HDAC8: variants seen among roughly 807,000 people sequenced by gnomAD.
HDAC8 encodes the protein histone deacetylase-like 1.
Under a neutral mutation model 32.2 loss-of-function variants are expected in HDAC8, and 1 was observed. That is an observed-to-expected ratio of 0.03 (90% confidence interval 0.01 to 0.15). The LOEUF is 0.15. Among genes scored for constraint, HDAC8 ranks in the 10% least tolerant of loss-of-function variants. The pLI is 1.00. For synonymous variants in HDAC8, 108 were observed against 113.9 expected (o/e 0.95, Z 0.33); for missense variants, 117 against 300.0 (o/e 0.39, Z 4.51).
At chrX:72,518,778 T>C (rs2049888295) in intron 4 of HDAC8, among the ~76,000 whole-genome samples, 1 of 111,893 alleles carries the variant, frequency 8.9e-6, no homozygotes, top group Admixed American at 9.5e-5. Flanking sequence ...TTGACAACCA[T>C]TAATTTCTTT....
chrX:72,554,558 G>A (rs927624210), intron 4 of HDAC8, among the ~76,000 whole-genome samples: 150 of 111,182 alleles, frequency 1.3e-3, no homozygotes, highest in African/African-American at 4.6e-3. Context: ...GAGTGAGACC[G>A]GCCTCTAGGA....
intron 9 of HDAC8, among the ~76,000 whole-genome samples, chrX:72,399,964 T>C (rs2045861518): frequency 8.9e-6 from 1 of 112,041 alleles, no homozygotes; most frequent in South Asian, 3.8e-4. Context: ...ACACTGTTGC[T>C]AAATCCAATG....
chrX:72,479,749 A>G (rs782106970), intron 7 of HDAC8, among the ~76,000 whole-genome samples: 22 of 112,527 alleles, frequency 2.0e-4, no homozygotes, highest in Non-Finnish European at 3.9e-4. Context: ...ATCAGTTGAG[A>G]GAGGAAGGAG....
intron 10 of HDAC8, among the ~76,000 whole-genome samples, chrX:72,335,909 T>G (rs1602506109): frequency 2.3e-5 from 2 of 85,172 alleles, no homozygotes; most frequent in African/African-American, 4.4e-5. Flanking sequence ...ACACTGTCTC[T>G]AAAAAAAAAA....
At chrX:72,519,660 G>T (rs782299341) in intron 4 of HDAC8, among the ~76,000 whole-genome samples, 1 of 111,669 alleles carries the variant, frequency 9.0e-6, no homozygotes, top group Admixed American at 9.5e-5. Context: ...CACGAACATG[G>T]CTTACTGCAG....
chrX:72,413,928 CT>C (rs1486317010), intron 9 of HDAC8, among the ~76,000 whole-genome samples: 6 of 112,087 alleles, frequency 5.4e-5, no homozygotes, highest in African/African-American at 1.6e-4. Flanking sequence ...AAATCACCTT[CT>C]TGAGGTCTGC....
chrX:72,440,529 G>A (rs2047097653), intron 9 of HDAC8, among the ~76,000 whole-genome samples: 1 of 112,114 alleles, frequency 8.9e-6, no homozygotes, highest in African/African-American at 3.2e-5. Context: ...AAAAATCAAT[G>A]AATCCATGAG....
At chrX:72,437,099 G>A (rs973592937) in intron 9 of HDAC8, among the ~76,000 whole-genome samples, 24 of 111,886 alleles carry the variant, frequency 2.1e-4, no homozygotes, top group Non-Finnish European at 3.8e-4. Context: ...CATGATCAAC[G>A]CAGAAGGTGG....
At chrX:72,467,966 C>A in intron 7 of HDAC8, 1 of 1,187,994 alleles carries the variant, frequency 8.4e-7, no homozygotes. Flanking sequence ...TTGATTATAG[C>A]CAGGTAGGGA....
At chrX:72,338,236 A>G (rs1377925173) in intron 10 of HDAC8, among the ~76,000 whole-genome samples, 1 of 111,873 alleles carries the variant, frequency 8.9e-6, no homozygotes, top group Non-Finnish European at 1.9e-5. Context: ...TAGCACCCTC[A>G]GTAGTGCCTG....
chrX:72,467,846 T>A (rs963742896), intron 7 of HDAC8: 2 of 727,117 alleles, frequency 2.8e-6, no homozygotes, highest in East Asian at 7.5e-5. Flanking sequence ...ATTGATCGGG[T>A]AATACAGAGT....
intron 10 of HDAC8, among the ~76,000 whole-genome samples, chrX:72,338,688 T>TATATATAAATATATATATACAA (rs2043798301): frequency 1.1e-5 from 1 of 88,328 alleles, no homozygotes; most frequent in African/African-American, 4.5e-5. Context: ...TATATACAAA[T>TATATATAAATATATATATACAA]ATATATATAT....
intron 4 of HDAC8, among the ~76,000 whole-genome samples, chrX:72,537,918 A>G (rs2050580988): frequency 8.9e-6 from 1 of 111,887 alleles, no homozygotes; most frequent in Non-Finnish European, 1.9e-5. Flanking sequence ...AGAAAAATCC[A>G]CTGAATTCTA....
At chrX:72,456,217 T>C (rs2047713183) in intron 9 of HDAC8, among the ~76,000 whole-genome samples, 1 of 112,043 alleles carries the variant, frequency 8.9e-6, no homozygotes, top group Non-Finnish European at 1.9e-5. Flanking sequence ...TCTTTTTATC[T>C]TTGAAAATAC....
chrX:72,455,637 A>AT (rs1395544911), intron 9 of HDAC8, among the ~76,000 whole-genome samples: 2 of 112,374 alleles, frequency 1.8e-5, no homozygotes, highest in Non-Finnish European at 3.8e-5. Flanking sequence ...TAATATTCAC[A>AT]TTTTTTGAGT....
At chrX:72,545,137 A>G (rs782246314) in intron 4 of HDAC8, among the ~76,000 whole-genome samples, 1 of 112,233 alleles carries the variant, frequency 8.9e-6, no homozygotes, top group African/African-American at 3.2e-5. Context: ...GTCATTGGAA[A>G]TGCTGGTAGC....
chrX:72,426,912 G>A (rs73498354), intron 9 of HDAC8, among the ~76,000 whole-genome samples: 6,081 of 109,719 alleles, frequency 0.055, 408 homozygotes, highest in African/African-American at 0.19. Flanking sequence ...GAGGAAGAGA[G>A]AGAGATTTTC....
chrX:72,461,449 C>G (rs1227365775), intron 9 of HDAC8, among the ~76,000 whole-genome samples: 1 of 111,859 alleles, frequency 8.9e-6, no homozygotes, highest in African/African-American at 3.2e-5. Context: ...GGCAAGGGCT[C>G]AAATGACGTT....
intron 7 of HDAC8, among the ~76,000 whole-genome samples, chrX:72,469,123 ATTCTTACT>A (rs2048098574): frequency 9.6e-6 from 1 of 104,358 alleles, no homozygotes; most frequent in African/African-American, 3.7e-5. Flanking sequence ...TTTGGTCTTT[ATTCTTACT>A]GTAACTCCTA....
Sources: gnomAD v4.1 joint callset for allele counts (sites outside exome capture counted in the v4.1 genomes callset) on GRCh38, gnomAD v4.1.1 for gene constraint, MANE v1.5 for transcripts, NCBI Gene and HGNC (gene_info 2026-07-23, HGNC 2026-07-21) for gene names.